Variants in PDZD9 observed in about 807,000 individuals in gnomAD.
The protein encoded by PDZD9 is PDZ domain-containing protein 9.
A neutral mutation model predicts 16.3 loss-of-function variants in PDZD9; 13 were observed. The observed-to-expected ratio is 0.80, with a 90% CI of 0.52 to 1.27. The LOEUF (loss-of-function observed/expected upper bound fraction) is 1.27. Among genes scored for constraint, PDZD9 ranks in the 50% most tolerant of loss-of-function variants. The pLI is 0.00. For missense variants in PDZD9, 288 were observed against 310.9 expected (o/e 0.93, Z 0.55); for synonymous variants, 120 against 111.0 (o/e 1.08, Z -0.51).
At chr16:21,961,867 G>T in the PDZD9 span, among the ~76,000 whole-genome samples, 2 of 151,382 alleles carry the variant, frequency 1.3e-5, no homozygotes, top group Non-Finnish European at 2.9e-5. Context: ...TGGCCAGGCT[G>T]GTCTCAAACT....
chr16:21,969,709 C>A, the PDZD9 span, among the ~76,000 whole-genome samples: 1 of 151,932 alleles, frequency 6.6e-6, no homozygotes. Flanking sequence ...TAAAATTCAC[C>A]CTTTTGAAGT....
intron 2 of PDZD9, 48 bp downstream of exon 2, chr16:21,996,274 C>T (rs1899145720): frequency 1.5e-5 from 22 of 1,492,510 alleles, no homozygotes; most frequent in Non-Finnish European, 2.0e-5. Context: ...ACCCTGCAGG[C>T]AGATGGGCAG....
the PDZD9 span, among the ~76,000 whole-genome samples, chr16:21,975,999 T>C: frequency 1.3e-5 from 2 of 152,138 alleles, no homozygotes; most frequent in East Asian, 1.9e-4. Context: ...TTTATGAACA[T>C]AGGAAGAATA....
chr16:21,971,819 G>A, the PDZD9 span: 1 of 1,530,654 alleles, frequency 6.5e-7, no homozygotes, highest in Non-Finnish European at 8.9e-7. Flanking sequence ...CCGAGCTGCA[G>A]AAAAGACTCG....
the PDZD9 span, among the ~76,000 whole-genome samples, chr16:21,975,904 A>G: frequency 6.6e-6 from 1 of 152,164 alleles, no homozygotes; most frequent in Non-Finnish European, 1.5e-5. Context: ...AAAAAAGCTA[A>G]AAAATTAGCC....
chr16:22,000,450 T>G (rs2141966238), intron 1 of PDZD9, among the ~76,000 whole-genome samples: 1 of 152,074 alleles, frequency 6.6e-6, no homozygotes, highest in African/African-American at 2.4e-5. Context: ...CAAAGTAATT[T>G]TAGGGAGTGG....
chr16:21,962,297 T>G, the PDZD9 span: 1 of 765,462 alleles, frequency 1.3e-6, no homozygotes, highest in East Asian at 2.7e-5. Flanking sequence ...TTAAAAAAAT[T>G]TTGAATTTTA....
intron 1 of PDZD9, among the ~76,000 whole-genome samples, chr16:21,997,672 G>T (rs1427545906): frequency 6.6e-6 from 1 of 152,160 alleles, no homozygotes; most frequent in Non-Finnish European, 1.5e-5. Flanking sequence ...GTTGAAATAT[G>T]TTTTCTACAG....
rs763588337 is a variant in PDZD9 at position 21,984,475 on chromosome 16, A to G, written c.587T>C (p.Ile196Thr). ...ACAATTAATGTCTTTTCCTACACTA[A>G]TAGTATGGTTCTTCTTCTTATATCC... ...WHGYKKKNHT[I>T]SVGKDINCDV... The change falls in exon 4 of 4, where the codon ATT (isoleucine) becomes ACT (threonine). Residue 196 changes from isoleucine to threonine, a missense_variant. Transcript: ENST00000424898. 1.2e-6 allele frequency: 2 copies of G among 1,613,112 alleles called. No individual in the cohort carries two copies. The highest frequency in any genetic ancestry group is 4.5e-5 in the East Asian group (2 of 44,848).
the PDZD9 span, among the ~76,000 whole-genome samples, chr16:21,961,626 TTATATATATATATA>T: frequency 0.15 from 9,372 of 64,348 alleles, 950 homozygotes; most frequent in African/African-American, 0.22. Flanking sequence ...AACATAAAAT[TTATATATATATATA>T]TATATATATA....
chr16:21,984,145 G>A lies in PDZD9; in HGVS notation c.*122C>T. 2 of 1,104,456 alleles carry A rather than the reference G, an allele frequency of 1.8e-6. No homozygotes were observed. The highest frequency in any genetic ancestry group is 2.6e-6 in the Non-Finnish European group (2 of 777,884). The allele number at this position is 1,104,456 out of a possible 1,614,324, so 68.4% of individuals were successfully genotyped here. On this transcript the variant is annotated 3_prime_UTR_variant, in exon 4 of 4. Transcript: ENST00000424898. The stretch of plus-strand genomic sequence containing the variant: ...ACATCTCTAAAGGCTTTATAACGCA[G>A]TCATAAGAGAAGAGAATTGGTGAGT...
the PDZD9 span, among the ~76,000 whole-genome samples, chr16:21,961,906 G>T: frequency 3.3e-5 from 5 of 151,638 alleles, no homozygotes; most frequent in African/African-American, 1.2e-4. Context: ...GCCCACCTCG[G>T]CCTCCCAAAG....
chr16:21,965,141 G>T, the PDZD9 span, among the ~76,000 whole-genome samples: 1 of 152,208 alleles, frequency 6.6e-6, no homozygotes, highest in African/African-American at 2.4e-5. Flanking sequence ...AGTGATACCA[G>T]CTAGGTTAAA....
chr16:21,959,960 CTTTTTTGT>C, the PDZD9 span, among the ~76,000 whole-genome samples: 5 of 152,118 alleles, frequency 3.3e-5, no homozygotes, highest in African/African-American at 4.8e-5. Context: ...ATCATCCAGG[CTTTTTTGT>C]TCATTTACAG....
At chr16:21,959,378 A>G in the PDZD9 span, 1 of 274,944 alleles carries the variant, frequency 3.6e-6, no homozygotes, top group Non-Finnish European at 7.4e-6. Flanking sequence ...TTCTATCTCA[A>G]GAAACCACTT....
In PDZD9 at chr16:21,984,096, G is replaced by A; in HGVS notation, c.*171C>T. On this transcript the variant is annotated 3_prime_UTR_variant, in exon 4 of 4. Transcript: ENST00000424898. ...GTGAGGCCTGCAAGAACCCAAGGAA[G>A]TCTTTAGATAATCCTGTTGAAGAAC... The A allele has an allele frequency of 1.6e-6, 1 of 641,612 alleles. No homozygotes were observed. The allele number at this position is 641,612 out of a possible 1,614,324, so 39.7% of individuals were successfully genotyped here.
At chr16:21,985,867 A>C (rs1307153524) in intron 3 of PDZD9, among the ~76,000 whole-genome samples, 4 of 152,208 alleles carry the variant, frequency 2.6e-5, no homozygotes, top group Admixed American at 2.6e-4. Context: ...GAGAGCCACT[A>C]GTCTTAAATA....
At chr16:21,987,608 A>G (rs1898910174) in intron 3 of PDZD9, among the ~76,000 whole-genome samples, 1 of 152,106 alleles carries the variant, frequency 6.6e-6, no homozygotes, top group African/African-American at 2.4e-5. Flanking sequence ...TATTTCAAGA[A>G]GAGAGTGGGT....
the PDZD9 span, chr16:21,976,255 T>C: frequency 1.2e-6 from 2 of 1,600,996 alleles, no homozygotes; most frequent in Non-Finnish European, 1.7e-6. Context: ...TAAGTCTCAG[T>C]ATTAACTGTG....
Sources: allele counts gnomAD v4.1 joint callset (sites outside exome capture counted in the v4.1 genomes callset), GRCh38; gene constraint gnomAD v4.1.1; transcripts MANE v1.5; gene names NCBI Gene and HGNC (gene_info 2026-07-23, HGNC 2026-07-21).